CTDSP2: variants seen among roughly 807,000 people sequenced by gnomAD.
CTDSP2 encodes the protein CTD small phosphatase 2.
A neutral mutation model predicts 31.6 loss-of-function variants in CTDSP2; 9 were observed. The ratio of observed to expected loss-of-function variants is 0.28; its 90% CI spans 0.17 to 0.50. The LOEUF (loss-of-function observed/expected upper bound fraction) is 0.50, where lower values mean the gene tolerates loss of function less well. Ranked by LOEUF, CTDSP2 falls within the 20% of genes least tolerant of loss-of-function variation. The pLI is 0.98. For missense variants in CTDSP2, 267 were observed against 348.5 expected, an observed-to-expected ratio of 0.77 and a Z score of 1.86; for synonymous variants, 134 against 134.5, an observed-to-expected ratio of 1.00 and a Z score of 0.03.
intron 2 of CTDSP2, 63 bp from the exon 3 acceptor site, chr12:57,827,653 C>A: frequency 6.6e-7 from 1 of 1,522,622 alleles, no homozygotes; most frequent in South Asian, 1.1e-5. Flanking sequence ...TCCAAACCCA[C>A]TGCTTCTGTC....
chr12:57,838,740 A>G (rs1956263114), intron 1 of CTDSP2, among the ~76,000 whole-genome samples: 1 of 152,240 alleles, frequency 6.6e-6, no homozygotes, highest in Admixed American at 6.5e-5. Flanking sequence ...AGGCTCTGCC[A>G]TGTGTAAGGT....
At chr12:57,824,518 A>G (rs746957998) in intron 5 of CTDSP2, 199 bp from the exon 6 acceptor site, 4 of 664,066 alleles carry the variant, frequency 6.0e-6, no homozygotes, top group Non-Finnish European at 1.1e-5. Context: ...CAGGCTTCCA[A>G]TGGATCAGTG....
chr12:57,821,085 C>G lies in CTDSP2; in HGVS notation c.*2517G>C, dbSNP rs941288899. On this transcript the variant is annotated 3_prime_UTR_variant, in exon 8 of 8. Coordinates refer to ENST00000398073, the MANE Select transcript of CTDSP2 (RefSeq NM_005730.4). ...CTCCAAAATTGAGTCTGGCCTGATT[C>G]CTTTGAGGAGCAAATTTTACAATCA... is the stretch of plus-strand genomic sequence containing the variant. 5.3e-5 allele frequency: 8 copies of G among 152,208 alleles called. No homozygotes were observed. The highest frequency in any genetic ancestry group is 1.9e-4 in the African/African-American group (8 of 41,442). The allele number at this position is 152,208 out of a possible 1,614,324, so 9.4% of individuals were successfully genotyped here.
At position 57,846,426 on chromosome 12, in the gene CTDSP2, C is replaced by G; in HGVS notation, c.10G>C (p.Gly4Arg). Reference protein sequence around the residue: MEHGSIITQARRED... With the variant: MEHRSIITQARRED... ...CTCCGCGCCTGGGTGATGATGGAGC[C>G]GTGTTCCATCTAACAATCCCGCGGG... Residue 4 changes from glycine to arginine, a missense_variant, in exon 1 of 8, where the codon GGC becomes CGC. Coordinates refer to ENST00000398073, the MANE Select transcript of CTDSP2 (RefSeq NM_005730.4). The G allele has an allele frequency of 1.2e-6, 2 of 1,602,806 alleles. No individual in the cohort carries two copies. The highest frequency in any genetic ancestry group is 1.7e-6 in the Non-Finnish European group (2 of 1,175,250).
chr12:57,844,716 T>G (rs1460086815), intron 1 of CTDSP2, among the ~76,000 whole-genome samples: 1 of 151,994 alleles, frequency 6.6e-6, no homozygotes, highest in Non-Finnish European at 1.5e-5. Flanking sequence ...GGCGGTGAAG[T>G]TGCTGCCTGG....
chr12:57,841,343 T>C (rs999937989), intron 1 of CTDSP2, among the ~76,000 whole-genome samples: 1 of 152,202 alleles, frequency 6.6e-6, no homozygotes, highest in Non-Finnish European at 1.5e-5. Flanking sequence ...CATTTTCTTT[T>C]TCCCCCTCTT....
intron 1 of CTDSP2, among the ~76,000 whole-genome samples, chr12:57,831,669 C>G (rs1344012462): frequency 6.6e-6 from 1 of 152,160 alleles, no homozygotes; most frequent in East Asian, 1.9e-4. Context: ...TAAACCCAAG[C>G]CATTCCAGTT....
rs575376429 is a variant in CTDSP2, at chr12:57,821,145, C to T, written c.*2457G>A. 28 of 152,324 alleles carry T rather than the reference C, an allele frequency of 1.8e-4. No homozygotes were observed. The highest frequency in any genetic ancestry group is 6.7e-4 in the African/African-American group (28 of 41,552). The allele number at this position is 152,324 out of a possible 1,614,324, so 9.4% of individuals were successfully genotyped here. A position where few individuals can be genotyped will look rare whatever the true frequency, so the allele number is the denominator to read the frequency against. ...CTAACACACGGTGAAACTGGAAACC[C>T]GACAGCAAATAATGACTAGGCTGGC... On this transcript the variant is annotated 3_prime_UTR_variant, in exon 8 of 8. Transcript: ENST00000398073.
chr12:57,839,825 C>T (rs1277334759), intron 1 of CTDSP2, among the ~76,000 whole-genome samples: 1 of 152,090 alleles, frequency 6.6e-6, no homozygotes, highest in Non-Finnish European at 1.5e-5. Context: ...TTTTCCTTAT[C>T]TGTAAAGTGA....
At chr12:57,836,303 C>T (rs1314509679) in intron 1 of CTDSP2, among the ~76,000 whole-genome samples, 1 of 152,198 alleles carries the variant, frequency 6.6e-6, no homozygotes, top group Non-Finnish European at 1.5e-5. Flanking sequence ...AGACAAAAAT[C>T]GCTGTCTCCC....
At chr12:57,844,955 G>A (rs574510530) in intron 1 of CTDSP2, among the ~76,000 whole-genome samples, 1 of 151,472 alleles carries the variant, frequency 6.6e-6, no homozygotes, top group African/African-American at 2.4e-5. Flanking sequence ...ATTTGGGAGA[G>A]GCTGACACCA....
At chr12:57,838,100 C>A (rs1204393899) in intron 1 of CTDSP2, among the ~76,000 whole-genome samples, 1 of 152,170 alleles carries the variant, frequency 6.6e-6, no homozygotes, top group Admixed American at 6.5e-5. Context: ...GCAGCTCCAA[C>A]GTACTTTAAA....
rs540603446 is a variant in CTDSP2, at chr12:57,821,246, G to C, written c.*2356C>G. 74 of 151,266 alleles carry C rather than the reference G, an allele frequency of 4.9e-4. No individual in the cohort carries two copies. The highest frequency in any genetic ancestry group is 1.7e-3 in the African/African-American group (70 of 40,472). The allele number at this position is 151,266 out of a possible 1,614,324, so 9.4% of individuals were successfully genotyped here. On this transcript the variant is annotated 3_prime_UTR_variant, in exon 8 of 8. Transcript: ENST00000398073. ...GGGGCAAGTGGGAATGGCATTGTTG[G>C]GGGGGAGTTGCAGGTGGGCAGGCAG...
chr12:57,831,442 G>A (rs1956215268), intron 1 of CTDSP2, among the ~76,000 whole-genome samples: 1 of 151,906 alleles, frequency 6.6e-6, no homozygotes, highest in Admixed American at 6.6e-5. Context: ...GACACAGCAA[G>A]ACTCGTCTCA....
At chr12:57,827,158 C>G (rs1335422814) in intron 3 of CTDSP2, 61 bp from the exon 4 acceptor site, 1 of 1,216,094 alleles carries the variant, frequency 8.2e-7, no homozygotes, top group Non-Finnish European at 1.2e-6. Context: ...TACCCCTTGG[C>G]ATAATTATGG....
chr12:57,824,021 A>C lies in CTDSP2; in HGVS notation c.573T>G (p.Ser191=). 1 of 1,614,090 alleles carries C rather than the reference A, an allele frequency of 6.2e-7. No homozygotes were observed. Among genetic ancestry groups the C allele is most frequent in the South Asian group, 1.1e-5 (1 of 91,072 alleles). ...CGTAGCAGCCCTGGTGGAACACGCAAGACTCACGGAATAGGCGGGCCCGGA... is the reference window on the plus strand; with the variant it reads ...CGTAGCAGCCCTGGTGGAACACGCACGACTCACGGAATAGGCGGGCCCGGA... ...GVFRARLFRE[S]CVFHQGCYVK... Residue 191 remains serine, a synonymous_variant, in exon 7 of 8, where the codon TCT becomes TCG. Coordinates refer to ENST00000398073, the MANE Select transcript of CTDSP2 (RefSeq NM_005730.4).
In CTDSP2 at chr12:57,846,239, G is replaced by A. The variant is rs546907916; in HGVS notation, c.64+133C>T. ...TGCCAGCCGGGATGCGGGGGCGGATGGACCGGAGGGGTCCAGTCGGGATCG... is the reference window on the plus strand; with the variant it reads ...TGCCAGCCGGGATGCGGGGGCGGATAGACCGGAGGGGTCCAGTCGGGATCG... On this transcript the variant is annotated intron_variant, in intron 1 of 7. Transcript: ENST00000398073. The A allele has an allele frequency of 1.8e-3, 1,311 of 733,976 alleles. 12 individuals are homozygous for A. The African/African-American group carries it at 0.023, about 13-fold the overall frequency. The allele number at this position is 733,976 out of a possible 1,614,324, so 45.5% of individuals were successfully genotyped here. A position where few individuals can be genotyped will look rare whatever the true frequency, so the allele number is the denominator to read the frequency against.
chr12:57,823,820 G>C (rs745750145), intron 7 of CTDSP2, 84 bp downstream of exon 7: 2 of 1,608,444 alleles, frequency 1.2e-6, no homozygotes, highest in East Asian at 4.5e-5. Flanking sequence ...CTTCCTGGAG[G>C]GGTGTACTTC....
chr12:57,845,450 G>A (rs1262272298), intron 1 of CTDSP2: 3 of 152,142 alleles, frequency 2.0e-5, no homozygotes, highest in Admixed American at 6.5e-5. Context: ...CCCCGCGAGG[G>A]CCTGCGGGCC....
Sources: allele counts gnomAD v4.1 joint callset (sites outside exome capture counted in the v4.1 genomes callset), GRCh38; gene constraint gnomAD v4.1.1; transcripts MANE v1.5; gene names NCBI Gene and HGNC (gene_info 2026-07-23, HGNC 2026-07-21).